The following PLAG1 variants were observed in gnomAD, a reference collection of about 807,000 sequenced individuals.
PLAG1 encodes the protein PLAG1 zinc finger.
A neutral mutation model predicts 35.5 loss-of-function variants in PLAG1; 7 were observed. The observed-to-expected ratio is 0.20, with a 90% CI of 0.11 to 0.37. PLAG1 has a LOEUF of 0.37. Among genes scored for constraint, PLAG1 ranks in the 10% least tolerant of loss-of-function variants. The pLI is 1.00. For missense variants in PLAG1, 454 were observed against 602.8 expected, an observed-to-expected ratio of 0.75 and a Z score of 2.58; for synonymous variants, 229 against 225.4, an observed-to-expected ratio of 1.02 and a Z score of -0.14.
rs1422821293 is a variant in PLAG1, at chr8:56,164,029, A to T, written c.*2214T>A. ...AATCTGTTTCATAGAAACTAAAGGA[A>T]GCAGTAATGAAGCAGAGCGAAAAGC... On this transcript the variant is annotated 3_prime_UTR_variant, in exon 5 of 5. Transcript: ENST00000316981. The T allele has an allele frequency of 5.4e-6, 1 of 185,584 alleles. No homozygotes were observed. The highest frequency in any genetic ancestry group is 1.1e-5 in the Non-Finnish European group (1 of 87,400). The allele number at this position is 185,584 out of a possible 1,614,324, so 11.5% of individuals were successfully genotyped here. A position where few individuals can be genotyped will look rare whatever the true frequency, so the allele number is the denominator to read the frequency against.
At chr8:56,180,686 GC>G (rs982039790) in intron 1 of PLAG1, among the ~76,000 whole-genome samples, 8 of 152,102 alleles carry the variant, frequency 5.3e-5, no homozygotes, top group African/African-American at 1.4e-4. Flanking sequence ...TCTGCATATG[GC>G]TAGACAGTTT....
At chr8:56,168,443 T>C in intron 3 of PLAG1, 57 bp from the exon 4 acceptor site, 1 of 751,258 alleles carries the variant, frequency 1.3e-6, no homozygotes. Flanking sequence ...TTTAAAAATT[T>C]TATTTGCTAT....
chr8:56,175,511 C>T (rs1186300528), intron 2 of PLAG1, among the ~76,000 whole-genome samples: 1 of 152,206 alleles, frequency 6.6e-6, no homozygotes, highest in Non-Finnish European at 1.5e-5. Flanking sequence ...GAAAACTACA[C>T]TATTTACTTT....
chr8:56,207,095 G>T (rs970560109), intron 1 of PLAG1, among the ~76,000 whole-genome samples: 3 of 151,652 alleles, frequency 2.0e-5, no homozygotes, highest in Non-Finnish European at 4.4e-5. Flanking sequence ...TGTGTAACTG[G>T]TAATTTTTTA....
intron 1 of PLAG1, among the ~76,000 whole-genome samples, chr8:56,202,874 T>C (rs985225249): frequency 5.3e-5 from 8 of 152,304 alleles, no homozygotes; most frequent in African/African-American, 1.4e-4. Context: ...TCAGCAGCAA[T>C]ATTGTGAGAT....
Position 56,162,422 on chromosome 8 carries a change from T to C in PLAG1, c.*3821A>G, listed in dbSNP as rs780308794. 1.6e-3 allele frequency: 349 copies of C among 221,488 alleles called. 4 individuals carry two copies. Among genetic ancestry groups the C allele is most frequent in the Non-Finnish European group, 2.7e-4 (30 of 110,488 alleles). 13.7% of individuals were successfully genotyped at this position (221,488 alleles called of 1,614,324 possible). On this transcript the variant is annotated 3_prime_UTR_variant, in exon 5 of 5. Coordinates refer to ENST00000316981, the MANE Select transcript of PLAG1 (RefSeq NM_002655.3). ...AGACACACACTGATTCTGTGCAATA[T>C]AGCAAATTGATAAGAAAACACTGTA...
At chr8:56,182,060 C>A (rs556459221) in intron 1 of PLAG1, among the ~76,000 whole-genome samples, 1 of 152,090 alleles carries the variant, frequency 6.6e-6, no homozygotes, top group African/African-American at 2.4e-5. Flanking sequence ...ACATGCTGTA[C>A]GGATTCAGAT....
chr8:56,207,487 TATAA>T (rs1394408993), intron 1 of PLAG1, among the ~76,000 whole-genome samples: 7 of 152,064 alleles, frequency 4.6e-5, no homozygotes, highest in Admixed American at 3.3e-4. Context: ...TTTATTTTGC[TATAA>T]ATATCTATTT....
intron 2 of PLAG1, among the ~76,000 whole-genome samples, chr8:56,173,310 T>C (rs1220045662): frequency 1.3e-5 from 2 of 152,112 alleles, no homozygotes; most frequent in Admixed American, 6.5e-5. Context: ...TTTCCCTAAA[T>C]TGAACCTATT....
intron 1 of PLAG1, among the ~76,000 whole-genome samples, chr8:56,195,102 T>C (rs987321840): frequency 7.2e-5 from 11 of 152,156 alleles, no homozygotes; most frequent in African/African-American, 2.2e-4. Context: ...TCTAGTTCTA[T>C]TAGAGACTAT....
At chr8:56,186,457 C>T (rs1459815536) in intron 1 of PLAG1, among the ~76,000 whole-genome samples, 6 of 151,960 alleles carry the variant, frequency 3.9e-5, no homozygotes, top group African/African-American at 4.8e-5. Context: ...CTGCAACCTC[C>T]GCCTCCTGGG....
chr8:56,172,048 G>A (rs1235838103), intron 2 of PLAG1, among the ~76,000 whole-genome samples: 1 of 152,120 alleles, frequency 6.6e-6, no homozygotes, highest in Admixed American at 6.5e-5. Context: ...TAAACTCAGA[G>A]TATTTTAAAG....
chr8:56,161,870 C>A lies in PLAG1; in HGVS notation c.*4373G>T, dbSNP rs1811210882. Reference sequence around the variant, plus strand: ...AAACATTCATTCTGGTTCATCTGTACCACTGAAGCTTATATAATGAAGTGT... The same window carrying A: ...AAACATTCATTCTGGTTCATCTGTAACACTGAAGCTTATATAATGAAGTGT... On this transcript the variant is annotated 3_prime_UTR_variant, in exon 5 of 5. Coordinates refer to ENST00000316981, the MANE Select transcript of PLAG1 (RefSeq NM_002655.3). 1 of 228,176 alleles carries A rather than the reference C, an allele frequency of 4.4e-6. No homozygotes were observed. Among genetic ancestry groups the A allele is most frequent in the South Asian group, 1.8e-4 (1 of 5,496 alleles). The allele number at this position is 228,176 out of a possible 1,614,324, so 14.1% of individuals were successfully genotyped here. A position where few individuals can be genotyped will look rare whatever the true frequency, so the allele number is the denominator to read the frequency against.
intron 1 of PLAG1, among the ~76,000 whole-genome samples, chr8:56,198,597 C>A (rs903234367): frequency 6.6e-6 from 1 of 152,310 alleles, no homozygotes; most frequent in South Asian, 2.1e-4. Context: ...TCCCCTATCT[C>A]GCTCCCTCTG....
In PLAG1 at chr8:56,210,923, C is replaced by T. The variant is rs1031101482; in HGVS notation, c.-322+198G>A. 2.6e-4 allele frequency among the ~76,000 whole-genome samples: 40 copies of T among 151,816 alleles called. 2 individuals carry two copies. On this transcript the variant is annotated intron_variant, in intron 1 of 4. Coordinates refer to ENST00000316981, the MANE Select transcript of PLAG1 (RefSeq NM_002655.3). ...GACTTCGGGAGTCCTCGCAGCCCCG[C>T]GTAATTATTTTATTTTATTTTTTAT... is the stretch of plus-strand genomic sequence containing the variant.
intron 1 of PLAG1, among the ~76,000 whole-genome samples, chr8:56,208,225 G>T (rs1190389866): frequency 6.6e-6 from 1 of 152,220 alleles, no homozygotes; most frequent in Middle Eastern, 3.4e-3. Flanking sequence ...CAATGAAAAC[G>T]TAAGATAAAA....
chr8:56,193,595 C>A (rs1812252054), intron 1 of PLAG1, among the ~76,000 whole-genome samples: 1 of 152,094 alleles, frequency 6.6e-6, no homozygotes, highest in Non-Finnish European at 1.5e-5. Context: ...ACTGATAATT[C>A]TACTCTACTG....
At chr8:56,181,435 G>T (rs191436840) in intron 1 of PLAG1, among the ~76,000 whole-genome samples, 2 of 152,176 alleles carry the variant, frequency 1.3e-5, no homozygotes, top group African/African-American at 4.8e-5. Flanking sequence ...GATGAAGCCG[G>T]AAACCATCAT....
intron 1 of PLAG1, among the ~76,000 whole-genome samples, chr8:56,195,248 T>G (rs2129232341): frequency 6.6e-6 from 1 of 152,294 alleles, no homozygotes; most frequent in East Asian, 1.9e-4. Flanking sequence ...ATTATCTCAT[T>G]TAATACTTAG....
Sources: gnomAD v4.1 joint callset for allele counts (sites outside exome capture counted in the v4.1 genomes callset) on GRCh38, gnomAD v4.1.1 for gene constraint, MANE v1.5 for transcripts, NCBI Gene and HGNC (gene_info 2026-07-23, HGNC 2026-07-21) for gene names.